Variants in DIP2C observed in about 807,000 individuals in gnomAD.
The protein encoded by DIP2C is DIP2 acetate--CoA ligase C (putative).
In DIP2C, 33 loss-of-function variants were observed where a neutral mutation model predicts 192.4. The observed-to-expected ratio is 0.17, with a 90% confidence interval of 0.13 to 0.23. DIP2C has a LOEUF of 0.23. DIP2C is among the 10% of genes least tolerant of loss of function. The probability of loss-of-function intolerance (pLI) is 1.00; values close to 1 mark genes in which losing one functional copy is unlikely to be tolerated. For synonymous variants in DIP2C, 979 were observed against 864.1 expected, an observed-to-expected ratio of 1.13 and a Z score of -2.33; for missense variants, 1,537 against 2,110.1, an observed-to-expected ratio of 0.73 and a Z score of 5.32.
At chr10:487,489 C>T (rs564769097) in intron 1 of DIP2C, among the ~76,000 whole-genome samples, 23 of 151,974 alleles carry the variant, frequency 1.5e-4, no homozygotes, top group African/African-American at 3.9e-4. Context: ...TCGTCTCCCC[C>T]ACGGAACACA....
intron 31 of DIP2C, among the ~76,000 whole-genome samples, chr10:319,780 A>G (rs1956928305): frequency 1.3e-5 from 2 of 152,228 alleles, no homozygotes; most frequent in Non-Finnish European, 2.9e-5. Context: ...TACTCCTAAG[A>G]GTAACAAATA....
chr10:311,737 T>C (rs532270880), intron 31 of DIP2C, among the ~76,000 whole-genome samples: 23 of 151,672 alleles, frequency 1.5e-4, no homozygotes, highest in African/African-American at 5.6e-4. Flanking sequence ...GAAAAGAAGA[T>C]CAAAAACAAC....
intron 1 of DIP2C, among the ~76,000 whole-genome samples, chr10:500,687 A>G (rs1281088215): frequency 6.6e-6 from 1 of 152,250 alleles, no homozygotes; most frequent in Non-Finnish European, 1.5e-5. Flanking sequence ...TTAACTTAAA[A>G]TCTTTTAAAA....
At position 363,118 on chromosome 10, in the gene DIP2C, G is replaced by C; in HGVS notation, c.2592+79C>G. ...CACCCCATGGGCAAAGCAACAGCTG[G>C]TCACACCATGATCTGAATGAAGTAA... On this transcript the variant is annotated intron_variant, in intron 21 of 36. Coordinates refer to ENST00000280886, the MANE Select transcript of DIP2C (RefSeq NM_014974.3). This position sits in a 1 kb window ranked among gnomAD's most constrained non-coding sequence, Gnocchi z 5.4. 7.6e-7 allele frequency: 1 copy of C among 1,314,768 alleles called. No homozygotes were observed. The highest frequency in any genetic ancestry group is 1.3e-5 in the South Asian group (1 of 77,746). 81.4% of individuals were successfully genotyped at this position (1,314,768 alleles called of 1,614,324 possible).
At chr10:494,395 C>T (rs990203241) in intron 1 of DIP2C, among the ~76,000 whole-genome samples, 2 of 152,214 alleles carry the variant, frequency 1.3e-5, no homozygotes, top group Admixed American at 6.5e-5. Context: ...CTTTCCACAA[C>T]ACATCAAGCA....
intron 1 of DIP2C, among the ~76,000 whole-genome samples, chr10:610,408 CCTA>C (rs1436617027): frequency 6.6e-6 from 1 of 152,108 alleles, no homozygotes; most frequent in Non-Finnish European, 1.5e-5. Flanking sequence ...CAGTGGGTCA[CCTA>C]CTGTGTATTT....
intron 1 of DIP2C, among the ~76,000 whole-genome samples, chr10:610,152 G>A (rs868409350): frequency 6.6e-6 from 1 of 152,172 alleles, no homozygotes; most frequent in African/African-American, 2.4e-5. Context: ...ACAGAGGAGA[G>A]AGCCCTGTCA....
intron 28 of DIP2C, among the ~76,000 whole-genome samples, chr10:342,824 C>T (rs747346811): frequency 2.6e-5 from 4 of 152,176 alleles, no homozygotes; most frequent in Non-Finnish European, 5.9e-5. Context: ...CTTCCTCTTC[C>T]CTAATCCCTG....
chr10:566,173 A>G (rs1849457560), intron 1 of DIP2C, among the ~76,000 whole-genome samples: 1 of 152,030 alleles, frequency 6.6e-6, no homozygotes, highest in Non-Finnish European at 1.5e-5. Context: ...GTCTGAAGAA[A>G]CAATTTTTTG....
chr10:599,554 A>C (rs1008412189), intron 1 of DIP2C, among the ~76,000 whole-genome samples: 5 of 152,180 alleles, frequency 3.3e-5, no homozygotes, highest in African/African-American at 1.2e-4. Flanking sequence ...TGGGTCAGTG[A>C]ACGAAAGGCA....
In DIP2C at chr10:329,562, A is replaced by G. The variant is rs1357869489; in HGVS notation, c.3624T>C (p.Ser1208=). ...SGHQSILIPP[S]ELETNPALWL... Reference sequence around the variant, plus strand: ...ACAAGGCGGGGTTGGTTTCCAGCTCAGAGGGCGGGATCAGGATGGACTGGT... The same window carrying G: ...ACAAGGCGGGGTTGGTTTCCAGCTCGGAGGGCGGGATCAGGATGGACTGGT... Residue 1208 remains serine, a synonymous_variant, in exon 30 of 37, where the codon TCT becomes TCC. Transcript: ENST00000280886. The G allele has an allele frequency of 1.2e-6, 2 of 1,614,090 alleles. No individual in the cohort carries two copies. Among genetic ancestry groups the G allele is most frequent in the Admixed American group, 1.7e-5 (1 of 60,006 alleles).
intron 32 of DIP2C, among the ~76,000 whole-genome samples, chr10:289,356 C>T (rs1955355483): frequency 1.3e-5 from 2 of 152,014 alleles, no homozygotes; most frequent in Non-Finnish European, 2.9e-5. Context: ...CGCAGTCTGA[C>T]CGCCTGGCCT....
chr10:353,775 G>T (rs974648502), intron 24 of DIP2C, among the ~76,000 whole-genome samples: 2 of 152,200 alleles, frequency 1.3e-5, no homozygotes, highest in South Asian at 2.1e-4. Flanking sequence ...AGCAGCGGCT[G>T]GGGGGCTGGT....
rs527488208 is a variant in DIP2C at position 407,089 on chromosome 10, A to G, written c.1149+1837T>C. ...TGGGGAGACCGATTTGAGAAATAATAGAACTCCAGTCTCCCGCACAGCCAG... is the reference window on the plus strand; with the variant it reads ...TGGGGAGACCGATTTGAGAAATAATGGAACTCCAGTCTCCCGCACAGCCAG... On this transcript the variant is annotated intron_variant, in intron 9 of 36. Coordinates refer to ENST00000280886, the MANE Select transcript of DIP2C (RefSeq NM_014974.3). Among the ~76,000 whole-genome samples the G allele has an allele frequency of 8.5e-5, 13 of 152,344 alleles. No individual in the cohort carries two copies. In the South Asian group the frequency reaches 2.5e-3, roughly 29 times the overall value.
intron 10 of DIP2C, among the ~76,000 whole-genome samples, chr10:397,611 T>TC (rs1964099860): frequency 6.6e-6 from 1 of 151,456 alleles, no homozygotes; most frequent in African/African-American, 2.4e-5. Flanking sequence ...ACCTGGGCAG[T>TC]CCCTTGGGGC....
At chr10:509,780 C>T (rs965383049) in intron 1 of DIP2C, among the ~76,000 whole-genome samples, 5 of 152,084 alleles carry the variant, frequency 3.3e-5, no homozygotes, top group African/African-American at 1.2e-4. Context: ...GACGGGGCGC[C>T]GCAGTCTCCT....
intron 9 of DIP2C, among the ~76,000 whole-genome samples, chr10:407,260 G>A (rs573950414): frequency 3.3e-5 from 5 of 152,280 alleles, no homozygotes; most frequent in African/African-American, 7.2e-5. Flanking sequence ...TACTTTACTA[G>A]GCATAGTATC....
intron 1 of DIP2C, among the ~76,000 whole-genome samples, chr10:504,995 T>C (rs144645251): frequency 1.3e-5 from 2 of 152,142 alleles, no homozygotes; most frequent in Non-Finnish European, 2.9e-5. Flanking sequence ...CATTCATTCA[T>C]TCAGCAAAAC....
chr10:537,706 C>A (rs1309264815), intron 1 of DIP2C, among the ~76,000 whole-genome samples: 7 of 152,150 alleles, frequency 4.6e-5, no homozygotes, highest in Non-Finnish European at 1.0e-4. Flanking sequence ...GGTAAGTCAA[C>A]TCTAGGTGGT....
Sources: allele counts gnomAD v4.1 joint callset (sites outside exome capture counted in the v4.1 genomes callset), GRCh38; gene constraint gnomAD v4.1.1; non-coding constraint Gnocchi (gnomAD v3.1); transcripts MANE v1.5; gene names NCBI Gene and HGNC (gene_info 2026-07-23, HGNC 2026-07-21).